The following SUN5 variants were observed in gnomAD, a reference collection of about 807,000 sequenced individuals.
SUN5 encodes Sad1 and UNC84 domain containing 5, also known as SUN domain-containing protein 5.
In SUN5, 44 loss-of-function variants were observed where a neutral mutation model predicts 53.7. The ratio of observed to expected loss-of-function variants is 0.82; its 90% confidence interval spans 0.64 to 1.05. The LOEUF is 1.05. SUN5 is among the 50% of genes least tolerant of loss of function. The pLI, the probability that SUN5 is intolerant of heterozygous loss-of-function variation, is 0.00. For missense variants in SUN5, 433 were observed against 483.8 expected, an observed-to-expected ratio of 0.90 and a Z score of 0.98; for synonymous variants, 166 against 179.8, an observed-to-expected ratio of 0.92 and a Z score of 0.62.
intron 11 of SUN5, among the ~76,000 whole-genome samples, chr20:32,985,444 C>T (rs1405106210): frequency 3.3e-5 from 5 of 152,048 alleles, no homozygotes; most frequent in Non-Finnish European, 5.9e-5. Flanking sequence ...CTTATTTCAC[C>T]GAGACAGTTC....
chr20:32,997,591 A>C, intron 6 of SUN5, 47 bp downstream of exon 6: 2 of 1,604,532 alleles, frequency 1.2e-6, no homozygotes, highest in Admixed American at 1.7e-5. Flanking sequence ...TTGACTGGTT[A>C]GGGTGAGACC....
intron 5 of SUN5, among the ~76,000 whole-genome samples, chr20:32,998,496 C>A (rs4911280): frequency 0.34 from 52,376 of 151,970 alleles, 9,715 homozygotes; most frequent in East Asian, 0.79. Flanking sequence ...ACAAAAACAG[C>A]CTTTAAAATT....
At chr20:33,001,359 C>A in intron 3 of SUN5, 81 bp from the exon 4 acceptor site, 1 of 1,494,046 alleles carries the variant, frequency 6.7e-7, no homozygotes. Context: ...CTTTCTGGGG[C>A]TGGGGGAGGC....
intron 3 of SUN5, among the ~76,000 whole-genome samples, chr20:33,001,548 T>TTCTTTCTTTCTTTC (rs1990023216): frequency 7.2e-6 from 1 of 138,548 alleles, no homozygotes; most frequent in Non-Finnish European, 1.5e-5. Flanking sequence ...CTTTCTTTCT[T>TTCTTTCTTTCTTTC]TCTTTCTTTC....
chr20:33,003,309 AG>A (rs1309660400), intron 1 of SUN5, among the ~76,000 whole-genome samples: 2 of 152,152 alleles, frequency 1.3e-5, no homozygotes, highest in South Asian at 2.1e-4. Context: ...AGGGTGAGGT[AG>A]GGGGGTGGTT....
chr20:32,991,536 T>G (rs1989711041), intron 8 of SUN5, among the ~76,000 whole-genome samples: 2 of 152,232 alleles, frequency 1.3e-5, no homozygotes, highest in Admixed American at 1.3e-4. Context: ...TTATAATCAC[T>G]ATACCTTACT....
At chr20:32,994,401 G>T (rs143265870) in intron 8 of SUN5, among the ~76,000 whole-genome samples, 1 of 152,272 alleles carries the variant, frequency 6.6e-6, no homozygotes, top group African/African-American at 2.4e-5. Flanking sequence ...AAGATAAAAA[G>T]CAGAAAACAG....
Position 32,985,861 on chromosome 20 carries a change from G to A in SUN5, c.772C>T (p.Arg258Cys), listed in dbSNP as rs148896965. ...GCCAATTGGATGGTCACCTGGCCGC[G>A]GTCACCCTCAAAGGCCCAGCAATTG... ...PGNCWAFEGD[R>C]GQVTIQLAQK... Residue 258 changes from arginine to cysteine, a missense_variant, in exon 11 of 13, where the codon CGC (arginine) becomes TGC (cysteine). Arg to Cys is a radical substitution (Grantham distance 180). Transcript: ENST00000356173. 3.5e-5 allele frequency: 56 copies of A among 1,613,926 alleles called. No individual in the cohort carries two copies. The highest frequency in any genetic ancestry group is 5.3e-5 in the African/African-American group (4 of 74,910).
At chr20:32,995,220 G>A (rs1989813849) in intron 8 of SUN5, among the ~76,000 whole-genome samples, 1 of 152,110 alleles carries the variant, frequency 6.6e-6, no homozygotes, top group Admixed American at 6.5e-5. Flanking sequence ...GGTTATATGA[G>A]GAACATTAGA....
intron 8 of SUN5, among the ~76,000 whole-genome samples, chr20:32,991,756 C>A (rs1989715537): frequency 6.6e-6 from 1 of 152,198 alleles, no homozygotes; most frequent in African/African-American, 2.4e-5. Context: ...GAATCTTGCA[C>A]AATGGAATTT....
chr20:32,990,383 A>G (rs985993526), intron 8 of SUN5, among the ~76,000 whole-genome samples: 2 of 152,164 alleles, frequency 1.3e-5, no homozygotes. Context: ...GACTCTTCAC[A>G]GTGGTGGAAG....
intron 8 of SUN5, among the ~76,000 whole-genome samples, chr20:32,990,532 G>A (rs1057106806): frequency 3.3e-5 from 5 of 152,138 alleles, no homozygotes; most frequent in Admixed American, 6.5e-5. Flanking sequence ...GATGCTGTGT[G>A]ACATCTAGGG....
chr20:32,999,826 C>A, intron 5 of SUN5: 1 of 1,325,280 alleles, frequency 7.5e-7, no homozygotes, highest in Non-Finnish European at 1.0e-6. Context: ...GCCATGGAAA[C>A]CCAGAAAGCG....
At chr20:32,998,832 A>G (rs368331743) in intron 5 of SUN5, among the ~76,000 whole-genome samples, 18 of 150,616 alleles carry the variant, frequency 1.2e-4, no homozygotes, top group African/African-American at 4.4e-4. Flanking sequence ...ACCGGGCAAC[A>G]CAACAAGACT....
In SUN5 at chr20:32,985,690, G is replaced by T. The variant is rs199509058; in HGVS notation, c.897+46C>A. 30 of 1,598,686 alleles carry T rather than the reference G, an allele frequency of 1.9e-5. No individual in the cohort carries two copies. The African/African-American group carries it at 3.5e-4, about 19-fold the overall frequency. ...CAGGCCTGGAATATCACCATTGGAA[G>T]GTTGTCCCTTTAGCTAAGCATAGCT... On this transcript the variant is annotated intron_variant, in intron 11 of 12. Transcript: ENST00000356173.
intron 5 of SUN5, among the ~76,000 whole-genome samples, chr20:32,998,175 CAAAA>C (rs35729664): frequency 8.4e-5 from 5 of 59,718 alleles, no homozygotes; most frequent in East Asian, 5.4e-4. Context: ...CCCATCTCTA[CAAAA>C]AAAAAAAAAA....
chr20:33,003,035 A>G, intron 1 of SUN5, 116 bp from the exon 2 acceptor site: 2 of 1,172,142 alleles, frequency 1.7e-6, no homozygotes. Flanking sequence ...GTTTCCCAAC[A>G]CCACCAGCCT....
intron 8 of SUN5, among the ~76,000 whole-genome samples, chr20:32,993,402 G>A (rs981630527): frequency 2.0e-5 from 3 of 152,212 alleles, no homozygotes; most frequent in Admixed American, 6.5e-5. Context: ...CATAGGCTAA[G>A]GATCTGGGCT....
chr20:32,997,516 G>T, intron 6 of SUN5, 122 bp downstream of exon 6: 2 of 961,990 alleles, frequency 2.1e-6, no homozygotes, highest in East Asian at 2.6e-5. Flanking sequence ...ATTTGGATCT[G>T]GGTCAAGTCA....
Sources: allele counts gnomAD v4.1 joint callset (sites outside exome capture counted in the v4.1 genomes callset), GRCh38; gene constraint gnomAD v4.1.1; transcripts MANE v1.5; gene names NCBI Gene and HGNC (gene_info 2026-07-23, HGNC 2026-07-21).